SGCZ: variants seen among roughly 807,000 people sequenced by gnomAD.
The protein encoded by SGCZ is sarcoglycan zeta.
Under a neutral mutation model 41.3 loss-of-function variants are expected in SGCZ, and 40 were observed. The observed-to-expected ratio is 0.97, with a 90% CI of 0.75 to 1.26. The LOEUF (loss-of-function observed/expected upper bound fraction) is 1.26. Among genes scored for constraint, SGCZ ranks in the 50% most tolerant of loss-of-function variants. The probability of loss-of-function intolerance (pLI) is 0.00; values close to 1 mark genes in which losing one functional copy is unlikely to be tolerated. For synonymous variants in SGCZ, 206 were observed against 137.5 expected (o/e 1.50, Z -3.49); for missense variants, 552 against 369.8 (o/e 1.49, Z -4.04).
intron 1 of SGCZ, among the ~76,000 whole-genome samples, chr8:14,877,251 G>C (rs376765112): frequency 1.3e-5 from 2 of 152,238 alleles, no homozygotes; most frequent in East Asian, 3.9e-4. Flanking sequence ...GGATTACCAA[G>C]TGTGAGCCAC....
rs139988089 is a variant in SGCZ at position 14,332,127 on chromosome 8, A to T, written c.235-7923T>A. ...TAATTGCTCCACAAAAAAATGCAGG[A>T]TGAAAAATTAAAAATAAAAATATGA... On this transcript the variant is annotated intron_variant, in intron 2 of 7. Transcript: ENST00000382080. Among the ~76,000 whole-genome samples the T allele has an allele frequency of 4.3e-3, 653 of 152,242 alleles. 7 individuals are homozygous for T. Among genetic ancestry groups the T allele is most frequent in the African/African-American group, 0.015 (641 of 41,552 alleles).
At chr8:14,329,176 G>A (rs953954719) in intron 2 of SGCZ, among the ~76,000 whole-genome samples, 6 of 152,128 alleles carry the variant, frequency 3.9e-5, no homozygotes, top group Non-Finnish European at 8.8e-5. Context: ...CATTTTAGAA[G>A]GGGATATGAA....
chr8:14,397,309 C>A (rs7812660), intron 2 of SGCZ, among the ~76,000 whole-genome samples: 60 of 151,904 alleles, frequency 3.9e-4, no homozygotes, highest in African/African-American at 1.4e-3. Context: ...AAAACAAGCA[C>A]GAAAATTAAA....
chr8:14,366,477 T>C (rs192352022), intron 2 of SGCZ, among the ~76,000 whole-genome samples: 4 of 152,172 alleles, frequency 2.6e-5, no homozygotes, highest in Admixed American at 2.6e-4. Flanking sequence ...CACCTGTGGG[T>C]TACAATTCAA....
At chr8:14,192,028 A>T (rs1434318206) in intron 4 of SGCZ, among the ~76,000 whole-genome samples, 1 of 152,136 alleles carries the variant, frequency 6.6e-6, no homozygotes, top group Non-Finnish European at 1.5e-5. Flanking sequence ...TATTAATAGG[A>T]GGTAATACAA....
At chr8:14,819,687 C>T (rs931989724) in intron 1 of SGCZ, among the ~76,000 whole-genome samples, 9 of 151,978 alleles carry the variant, frequency 5.9e-5, no homozygotes, top group Non-Finnish European at 2.9e-5. Context: ...AAGGAACACA[C>T]AACAGATAAA....
chr8:15,124,106 A>G (rs1385964287), intron 1 of SGCZ, among the ~76,000 whole-genome samples: 1 of 152,072 alleles, frequency 6.6e-6, no homozygotes, highest in African/African-American at 2.4e-5. Flanking sequence ...TAGAATGACA[A>G]CTCCGGCTGT....
rs149162003 is a variant in SGCZ, at chr8:14,460,142, G to A, written c.234+94590C>T. On this transcript the variant is annotated intron_variant, in intron 2 of 7. Coordinates refer to ENST00000382080, the MANE Select transcript of SGCZ (RefSeq NM_139167.4). ...ACCATTAGGAGCAGCTAGGTGAAGT[G>A]TATACATGAATTCTCTTTGCTAACT... 1.4e-4 allele frequency among the ~76,000 whole-genome samples: 22 copies of A among 152,230 alleles called. No individual in the cohort carries two copies. In the East Asian group the frequency reaches 3.1e-3, roughly 21 times the overall value.
At chr8:15,051,228 G>T (rs891592034) in intron 1 of SGCZ, among the ~76,000 whole-genome samples, 1 of 152,076 alleles carries the variant, frequency 6.6e-6, no homozygotes, top group African/African-American at 2.4e-5. Context: ...AGGCACAAAG[G>T]GGTAAAAATG....
At chr8:14,803,451 C>A (rs138420304) in intron 1 of SGCZ, among the ~76,000 whole-genome samples, 9,984 of 152,124 alleles carry the variant, frequency 0.066, 1,018 homozygotes, top group African/African-American at 0.22. Context: ...CTTTCCTAGT[C>A]AAAGAAAGGG....
At chr8:14,411,330 C>G (rs1408622930) in intron 2 of SGCZ, among the ~76,000 whole-genome samples, 1 of 151,996 alleles carries the variant, frequency 6.6e-6, no homozygotes, top group Non-Finnish European at 1.5e-5. Context: ...GTATAGAAAC[C>G]ATTGTTTTTA....
intron 1 of SGCZ, among the ~76,000 whole-genome samples, chr8:14,949,293 T>C (rs1800553509): frequency 6.6e-6 from 1 of 152,150 alleles, no homozygotes; most frequent in African/African-American, 2.4e-5. Context: ...TAAGATTCTC[T>C]AGGGAAAAGT....
chr8:15,000,705 C>G lies in SGCZ; in HGVS notation c.39+236880G>C, dbSNP rs866670923. Among the ~76,000 whole-genome samples, 50 of 152,264 alleles carry G rather than the reference C, an allele frequency of 3.3e-4. No homozygotes were observed. The Middle Eastern group carries it at 0.01, about 31-fold the overall frequency. On this transcript the variant is annotated intron_variant, in intron 1 of 7. Coordinates refer to ENST00000382080, the MANE Select transcript of SGCZ (RefSeq NM_139167.4). ...TTAAGTTGGGGCAACCAGCCTTCCC[C>G]ACACTATGTAAACAATATACCCGAT...
chr8:14,339,759 A>G (rs550883268), intron 2 of SGCZ, among the ~76,000 whole-genome samples: 1,685 of 152,320 alleles, frequency 0.011, 25 homozygotes, highest in African/African-American at 0.037. Flanking sequence ...TAAAAAGACG[A>G]GTACATAGCA....
At chr8:14,783,677 C>T (rs965871697) in intron 1 of SGCZ, among the ~76,000 whole-genome samples, 1 of 152,066 alleles carries the variant, frequency 6.6e-6, no homozygotes, top group African/African-American at 2.4e-5. Flanking sequence ...AATGCCATGA[C>T]TAAATTTCAG....
At chr8:14,942,766 T>C (rs1800319966) in intron 1 of SGCZ, among the ~76,000 whole-genome samples, 1 of 152,112 alleles carries the variant, frequency 6.6e-6, no homozygotes, top group South Asian at 2.1e-4. Flanking sequence ...TTGAGAACCA[T>C]TTTCCCTCTT....
chr8:14,219,806 C>G (rs887778741), intron 4 of SGCZ, among the ~76,000 whole-genome samples: 3 of 151,576 alleles, frequency 2.0e-5, no homozygotes, highest in African/African-American at 7.3e-5. Context: ...ACCATATTCA[C>G]CTGACCTCTT....
intron 1 of SGCZ, among the ~76,000 whole-genome samples, chr8:14,575,814 G>A (rs1174312915): frequency 6.7e-6 from 1 of 150,310 alleles, no homozygotes; most frequent in Non-Finnish European, 1.5e-5. Context: ...GCTGAGGCAG[G>A]AGAATCGCTT....
intron 1 of SGCZ, among the ~76,000 whole-genome samples, chr8:14,673,413 G>T (rs1012968705): frequency 2.0e-5 from 3 of 151,084 alleles, no homozygotes; most frequent in African/African-American, 4.9e-5. Flanking sequence ...GCTCTCTCTC[G>T]CGCTCGCGCT....
Sources: allele counts gnomAD v4.1 joint callset (sites outside exome capture counted in the v4.1 genomes callset), GRCh38; gene constraint gnomAD v4.1.1; transcripts MANE v1.5; gene names NCBI Gene and HGNC (gene_info 2026-07-23, HGNC 2026-07-21).